BIK: variants seen among roughly 807,000 people sequenced by gnomAD.
BIK encodes the protein BCL2 interacting killer.
Under a neutral mutation model 12.1 loss-of-function variants are expected in BIK, and 14 were observed. The ratio of observed to expected loss-of-function variants is 1.16; its 90% confidence interval spans 0.77 to 1.81. BIK has a LOEUF of 1.81. Ranked by LOEUF, BIK falls within the 40% of genes most tolerant of loss-of-function variation. The pLI is 0.00. For synonymous variants in BIK, 86 were observed against 92.3 expected (o/e 0.93, Z 0.39); for missense variants, 215 against 207.9 (o/e 1.03, Z -0.21).
intron 2 of BIK, 31 bp downstream of exon 2, chr22:43,124,214 C>A (rs377332045): frequency 6.2e-7 from 1 of 1,609,152 alleles, no homozygotes; most frequent in Non-Finnish European, 8.5e-7. Flanking sequence ...CTACCCCCTG[C>A]CTGATAGTGA....
At chr22:43,118,893 A>T (rs1426791616) in intron 1 of BIK, among the ~76,000 whole-genome samples, 1 of 151,844 alleles carries the variant, frequency 6.6e-6, no homozygotes, top group Admixed American at 6.6e-5. Context: ...ACACCTGCTG[A>T]GGGCTGAGCA....
At chr22:43,112,761 C>T (rs1007850219) in intron 1 of BIK, among the ~76,000 whole-genome samples, 2 of 151,750 alleles carry the variant, frequency 1.3e-5, no homozygotes, top group East Asian at 2.0e-4. Flanking sequence ...AAAAATTAAC[C>T]GGGCATGGTG....
chr22:43,128,331 C>T (rs755111686), intron 3 of BIK, among the ~76,000 whole-genome samples, 165 bp from the exon 4 acceptor site: 14 of 152,194 alleles, frequency 9.2e-5, no homozygotes, highest in African/African-American at 1.2e-4. Context: ...CCATACCACG[C>T]GGCCCCTGCA....
intron 1 of BIK, among the ~76,000 whole-genome samples, chr22:43,113,162 C>A (rs938920044): frequency 6.6e-6 from 1 of 152,162 alleles, no homozygotes. Context: ...GGAGATCACA[C>A]CATGGCACTC....
intron 1 of BIK, among the ~76,000 whole-genome samples, chr22:43,115,591 T>C (rs891075244): frequency 4.6e-5 from 7 of 152,072 alleles, no homozygotes; most frequent in Non-Finnish European, 5.9e-5. Context: ...GCCTCCCTAG[T>C]AGCTGGGATT....
chr22:43,115,681 G>C (rs1195958652), intron 1 of BIK, among the ~76,000 whole-genome samples: 1 of 151,888 alleles, frequency 6.6e-6, no homozygotes, highest in Admixed American at 6.6e-5. Context: ...CAGGATGGTT[G>C]TGAACTCCTG....
intron 1 of BIK, among the ~76,000 whole-genome samples, chr22:43,115,139 G>T (rs1322644614): frequency 6.6e-6 from 1 of 152,234 alleles, no homozygotes; most frequent in East Asian, 1.9e-4. Context: ...TTGATGGGCT[G>T]AGTGCCCAAT....
chr22:43,123,819 G>T (rs1180934591), intron 1 of BIK, among the ~76,000 whole-genome samples, 197 bp from the exon 2 acceptor site: 1 of 152,264 alleles, frequency 6.6e-6, no homozygotes, highest in South Asian at 2.1e-4. Flanking sequence ...GAGATGCTAG[G>T]CGACTTGCCC....
At chr22:43,126,699 A>AT (rs963100108) in intron 2 of BIK, among the ~76,000 whole-genome samples, 28 of 149,656 alleles carry the variant, frequency 1.9e-4, no homozygotes, top group Non-Finnish European at 2.7e-4. Context: ...TCTGCTCAGG[A>AT]TTTTTTTTTT....
At chr22:43,118,768 CGAGGTCAT>C (rs1569465420) in intron 1 of BIK, among the ~76,000 whole-genome samples, 1 of 152,066 alleles carries the variant, frequency 6.6e-6, no homozygotes, top group East Asian at 1.9e-4. Flanking sequence ...CAGGACTGGG[CGAGGTCAT>C]GAGAGTCTGA....
At chr22:43,123,876 G>C (rs1330316656) in intron 1 of BIK, 140 bp from the exon 2 acceptor site, 23 of 829,600 alleles carry the variant, frequency 2.8e-5, no homozygotes, top group Middle Eastern at 3.7e-4. Context: ...TGTGGGAGCT[G>C]GGGTTGGGGG....
intron 1 of BIK, among the ~76,000 whole-genome samples, chr22:43,116,464 A>AT (rs34758003): frequency 0.052 from 7,407 of 143,462 alleles, 813 homozygotes; most frequent in East Asian, 0.48. Context: ...TATTAAATGC[A>AT]TTTTTTTTTT....
In BIK at chr22:43,129,612, G is replaced by A. The variant is rs1219394275; in HGVS notation, c.*307G>A. 1.1e-5 allele frequency: 5 copies of A among 458,456 alleles called. No individual in the cohort carries two copies. Among genetic ancestry groups the A allele is most frequent in the Non-Finnish European group, 1.9e-5 (5 of 258,264 alleles). The allele number at this position is 458,456 out of a possible 1,614,324, so 28.4% of individuals were successfully genotyped here. ...CCACACGGCAGGTAGCAGGGGGAGT[G>A]CTGGTCACACCCCTGTGTGATATGT... On this transcript the variant is annotated 3_prime_UTR_variant, in exon 5 of 5. Transcript: ENST00000216115.
At chr22:43,110,918 A>G (rs1244424860) in intron 1 of BIK, 115 bp downstream of exon 1, 2 of 151,818 alleles carry the variant, frequency 1.3e-5, no homozygotes, top group African/African-American at 2.4e-5. Context: ...AGCCGTGCCC[A>G]GGTTTTACCG....
chr22:43,128,473 C>T, intron 3 of BIK, 23 bp from the exon 4 acceptor site: 1 of 1,565,876 alleles, frequency 6.4e-7, no homozygotes, highest in Non-Finnish European at 8.7e-7. Flanking sequence ...ATGGCTTTGT[C>T]CCCCCATCCT....
chr22:43,129,078 C>G, intron 4 of BIK, 135 bp from the exon 5 acceptor site: 1 of 1,499,706 alleles, frequency 6.7e-7, no homozygotes, highest in Non-Finnish European at 9.1e-7. Flanking sequence ...TCCTGAACTC[C>G]TTCCTTCTCT....
intron 1 of BIK, among the ~76,000 whole-genome samples, chr22:43,111,397 C>T (rs1345680282): frequency 2.6e-5 from 4 of 152,228 alleles, no homozygotes; most frequent in African/African-American, 9.6e-5. Flanking sequence ...CGCCCGCCCT[C>T]GCTTGCCCAC....
rs764991112 is a variant in BIK, at chr22:43,124,147, T to C, written c.125T>C (p.Met42Thr). 1.9e-5 allele frequency: 31 copies of C among 1,614,024 alleles called. No individual in the cohort carries two copies. The Middle Eastern group carries it at 1.5e-3, about 77-fold the overall frequency. Residue 42 changes from methionine (M) to threonine (T), a missense_variant, in exon 2 of 5, where the codon ATG becomes ACG. Transcript: ENST00000216115. ...GACTCTGAAGAGGACCTGGACCCTATGGAGGACTTCGATTCTTTGGAATGC... is the reference window on the plus strand; with the variant it reads ...GACTCTGAAGAGGACCTGGACCCTACGGAGGACTTCGATTCTTTGGAATGC... The part of the protein sequence containing the change: ...MTDSEEDLDP[M>T]EDFDSLECME...
At chr22:43,117,493 C>CGA (rs973435243) in intron 1 of BIK, among the ~76,000 whole-genome samples, 2 of 151,540 alleles carry the variant, frequency 1.3e-5, no homozygotes, top group African/African-American at 4.9e-5. Flanking sequence ...CTCAGCCTCC[C>CGA]GAGTAGCTGG....
Sources: allele counts gnomAD v4.1 joint callset (sites outside exome capture counted in the v4.1 genomes callset), GRCh38; gene constraint gnomAD v4.1.1; transcripts MANE v1.5; gene names NCBI Gene and HGNC (gene_info 2026-07-23, HGNC 2026-07-21).